ANXA7: variants seen among roughly 807,000 people sequenced by gnomAD.
The protein encoded by ANXA7 is annexin A7, also known as annexin VII.
Under a neutral mutation model 64.9 loss-of-function variants are expected in ANXA7, and 55 were observed. The observed-to-expected ratio is 0.85, with a 90% CI of 0.68 to 1.06. The LOEUF is 1.06. ANXA7 is among the 50% of genes least tolerant of loss of function. The probability of loss-of-function intolerance (pLI) is 0.00; values close to 1 mark genes in which losing one functional copy is unlikely to be tolerated. For synonymous variants in ANXA7, 200 were observed against 192.4 expected (o/e 1.04, Z -0.33); for missense variants, 548 against 582.1 (o/e 0.94, Z 0.60).
chr10:73,387,601 G>C (rs2055396212), intron 7 of ANXA7, 88 bp downstream of exon 7: 1 of 995,146 alleles, frequency 1.0e-6, no homozygotes. Context: ...TGCACCACAG[G>C]TACTAATCAA....
intron 7 of ANXA7, among the ~76,000 whole-genome samples, chr10:73,386,491 G>A (rs888157274): frequency 6.6e-6 from 1 of 152,060 alleles, no homozygotes; most frequent in Non-Finnish European, 1.5e-5. Context: ...ACAGTATTAA[G>A]AAGCAGCTAA....
In ANXA7 at chr10:73,375,946, T is replaced by C. The variant is rs2055161939; in HGVS notation, c.*149A>G. ...AATTAGAATTAAGGCAATAACAACA[T>C]GTGCAAACCAAGCACATTACCCTGA... is the stretch of plus-strand genomic sequence containing the variant. On this transcript the variant is annotated 3_prime_UTR_variant, in exon 13 of 13. Coordinates refer to ENST00000372921, the MANE Select transcript of ANXA7 (RefSeq NM_001156.5). 23 of 531,826 alleles carry C rather than the reference T, an allele frequency of 4.3e-5. No individual in the cohort carries two copies. The highest frequency in any genetic ancestry group is 6.5e-5 in the Non-Finnish European group (21 of 325,104). 32.9% of individuals were successfully genotyped at this position (531,826 alleles called of 1,614,324 possible).
At chr10:73,383,539 A>G (rs1328190152) in intron 8 of ANXA7, 38 bp downstream of exon 8, 2 of 1,494,996 alleles carry the variant, frequency 1.3e-6, no homozygotes, top group Non-Finnish European at 1.9e-6. Flanking sequence ...CATATGAAAT[A>G]GGACAAAATA....
At chr10:73,386,161 C>T (rs888096970) in intron 7 of ANXA7, among the ~76,000 whole-genome samples, 4 of 145,286 alleles carry the variant, frequency 2.8e-5, no homozygotes, top group East Asian at 4.0e-4. Flanking sequence ...CTGCAGTGAG[C>T]GGAGATCATG....
At chr10:73,412,795 C>CTTTTTTTTT (rs55814659) in intron 1 of ANXA7, among the ~76,000 whole-genome samples, 5 of 131,616 alleles carry the variant, frequency 3.8e-5, no homozygotes, top group African/African-American at 8.3e-5. Context: ...CGCGCTCGGG[C>CTTTTTTTTT]TTTTTTTTTT....
At chr10:73,383,446 T>C in intron 8 of ANXA7, 101 bp from the exon 9 acceptor site, 1 of 1,280,788 alleles carries the variant, frequency 7.8e-7, no homozygotes, top group Non-Finnish European at 1.1e-6. Context: ...CTAAAAACTA[T>C]ATATTCAGAT....
chr10:73,379,934 T>G lies in ANXA7; in HGVS notation c.1110A>C (p.Leu370Phe), dbSNP rs370284057. The change falls in exon 11 of 13, where the codon TTA becomes TTC. Residue 370 changes from leucine to phenylalanine, a missense_variant. Physicochemically the swap from Leu to Phe is conservative, Grantham distance 22. Transcript: ENST00000372921. Reference protein sequence around the residue: ...AYSRMANRDLLSSVSREFSGY... With the variant: ...AYSRMANRDLFSSVSREFSGY... ...CGGAAAACTCACGGCTCACACTGCT[T>G]AACAAGTCTCGATTAGCCATCTGCA... 1.2e-6 allele frequency: 2 copies of G among 1,614,096 alleles called. No homozygotes were observed. Among genetic ancestry groups the G allele is most frequent in the Non-Finnish European group, 1.7e-6 (2 of 1,180,038 alleles).
intron 12 of ANXA7, among the ~76,000 whole-genome samples, chr10:73,377,773 G>GGGGTGTGTGT (rs1554815379): frequency 0.034 from 4,207 of 124,806 alleles, 419 homozygotes; most frequent in African/African-American, 0.12. Context: ...GGTGGGTGTG[G>GGGGTGTGTGT]GTGTGTGTGT....
Position 73,400,896 on chromosome 10 carries a change from GTTGTT to G in ANXA7, c.-1-44_-1-40del, listed in dbSNP as rs542196249. On this transcript the variant is annotated intron_variant, in intron 1 of 12. Coordinates refer to ENST00000372921, the MANE Select transcript of ANXA7 (RefSeq NM_001156.5). ...AAAAAATGTCCTCTGTAAGTTTTTT[GTTGTT>G]TTGTTTTGTTTTGTTTTGTTTTTTG... The G allele has an allele frequency of 1.1e-3, 1,676 of 1,541,752 alleles. 2 individuals carry two copies. The highest frequency in any genetic ancestry group is 9.6e-3 in the African/African-American group (696 of 72,220).
intron 11 of ANXA7, among the ~76,000 whole-genome samples, 164 bp from the exon 12 acceptor site, chr10:73,379,187 TGA>T (rs970521533): frequency 1.1e-4 from 16 of 152,196 alleles, no homozygotes; most frequent in Non-Finnish European, 1.8e-4. Flanking sequence ...TGATTTTTTT[TGA>T]GACAGGTTCT....
chr10:73,380,076 T>C lies in ANXA7; in HGVS notation c.1044A>G (p.Thr348=), dbSNP rs769415042. The C allele has an allele frequency of 2.5e-6, 4 of 1,614,060 alleles. No homozygotes were observed. Among genetic ancestry groups the C allele is most frequent in the Non-Finnish European group, 2.5e-6 (3 of 1,180,030 alleles). The change falls in exon 10 of 13, where the codon ACA becomes ACG. Residue 348 remains threonine (T), a synonymous_variant. Transcript: ENST00000372921. ...DESCFNMILA[T]RSFPQLRATM... Reference sequence around the variant, plus strand: ...TAGCTCTCAGCTGAGGAAAGCTTCTTGTGGCAAGGATCATGTTAAAGCAAG... The same window carrying C: ...TAGCTCTCAGCTGAGGAAAGCTTCTCGTGGCAAGGATCATGTTAAAGCAAG...
intron 1 of ANXA7, among the ~76,000 whole-genome samples, chr10:73,405,240 CAAAA>C (rs796132395): frequency 1.4e-5 from 1 of 71,632 alleles, no homozygotes; most frequent in Non-Finnish European, 2.8e-5. Flanking sequence ...AATACTGTCT[CAAAA>C]AAAAAAAAAA....
rs1413412267 is a variant in ANXA7, at chr10:73,375,408, AATGCTG to A, written c.*681_*686del. On this transcript the variant is annotated 3_prime_UTR_variant, in exon 13 of 13. Coordinates refer to ENST00000372921, the MANE Select transcript of ANXA7 (RefSeq NM_001156.5). ...TTAATTGTGGAATCATTACACAAGG[AATGCTG>A]ATATCAAAACACCATATTGTACACC... 1 of 152,250 alleles carries A rather than the reference AATGCTG, an allele frequency of 6.6e-6. No individual in the cohort carries two copies. The highest frequency in any genetic ancestry group is 1.5e-5 in the Non-Finnish European group (1 of 68,042). 9.4% of individuals were successfully genotyped at this position (152,250 alleles called of 1,614,324 possible). A position where few individuals can be genotyped will look rare whatever the true frequency, so the allele number is the denominator to read the frequency against.
At chr10:73,385,872 A>C (rs2055361621) in intron 7 of ANXA7, among the ~76,000 whole-genome samples, 1 of 152,154 alleles carries the variant, frequency 6.6e-6, no homozygotes, top group South Asian at 2.1e-4. Context: ...TCTGAGAAAT[A>C]TAAACTAGAT....
At chr10:73,378,101 G>A (rs1014323721) in intron 12 of ANXA7, among the ~76,000 whole-genome samples, 22 of 151,776 alleles carry the variant, frequency 1.4e-4, no homozygotes, top group Admixed American at 8.5e-4. Context: ...CAGGCCAGGC[G>A]TGGTGGCTCA....
At position 73,397,274 on chromosome 10, in the gene ANXA7, A is replaced by G; in HGVS notation, c.260T>C (p.Val87Ala). ...QPGGAPSYPG[V>A]PPGQGFGVPP... is the part of the protein sequence containing the mutation. ...GACTCCAAATCCTTGGCCTGGAGGA[A>G]CTAGAGAAAAGAACATGTCAATAAA... is the stretch of plus-strand genomic sequence containing the variant. The change falls in exon 4 of 13, where the codon GTT (valine) becomes GCT (alanine). Residue 87 changes from valine (V) to alanine (A), a missense_variant and splice_region_variant. Transcript: ENST00000372921. 1 of 1,602,260 alleles carries G rather than the reference A, an allele frequency of 6.2e-7. No individual in the cohort carries two copies. The highest frequency in any genetic ancestry group is 8.5e-7 in the Non-Finnish European group (1 of 1,170,996).
chr10:73,391,611 T>C (rs1028857535), intron 5 of ANXA7, among the ~76,000 whole-genome samples: 1 of 152,144 alleles, frequency 6.6e-6, no homozygotes, highest in Non-Finnish European at 1.5e-5. Flanking sequence ...AGTGAGGCCC[T>C]GACTCAAAAT....
chr10:73,379,702 T>A (rs2055242185), intron 11 of ANXA7, 177 bp downstream of exon 11: 6 of 657,156 alleles, frequency 9.1e-6, no homozygotes, highest in Non-Finnish European at 1.6e-5. Context: ...CAGGACTGTT[T>A]CTGGGGGCTT....
At chr10:73,411,373 C>A (rs894809186) in intron 1 of ANXA7, among the ~76,000 whole-genome samples, 2 of 152,146 alleles carry the variant, frequency 1.3e-5, no homozygotes, top group Admixed American at 1.3e-4. Flanking sequence ...TGACTAAAAT[C>A]TCAGAATTCA....
Sources: gnomAD v4.1 joint callset for allele counts (sites outside exome capture counted in the v4.1 genomes callset) on GRCh38, gnomAD v4.1.1 for gene constraint, MANE v1.5 for transcripts, NCBI Gene and HGNC (gene_info 2026-07-23, HGNC 2026-07-21) for gene names.